RABGAP1L: variants seen among roughly 807,000 people sequenced by gnomAD.
RABGAP1L encodes the protein rab GTPase-activating protein 1-like.
RABGAP1L carries 63 observed loss-of-function variants against 137.7 expected under a neutral mutation model. The observed-to-expected ratio is 0.46, with a 90% CI of 0.37 to 0.56. The LOEUF is 0.56. RABGAP1L is among the 20% of genes least tolerant of loss of function. The pLI, the probability that RABGAP1L is intolerant of heterozygous loss-of-function variation, is 0.00. For missense variants in RABGAP1L, 1,095 were observed against 1,244.0 expected, an observed-to-expected ratio of 0.88 and a Z score of 1.80; for synonymous variants, 431 against 433.7, an observed-to-expected ratio of 0.99 and a Z score of 0.08.
At chr1:174,799,158 C>T (rs890223816) in intron 18 of RABGAP1L, among the ~76,000 whole-genome samples, 6 of 152,122 alleles carry the variant, frequency 3.9e-5, no homozygotes, top group African/African-American at 1.2e-4. Flanking sequence ...ACTCTTAATA[C>T]GTGTTAGGTT....
At chr1:174,202,735 G>A (rs1397037145) in intron 1 of RABGAP1L, among the ~76,000 whole-genome samples, 11 of 152,168 alleles carry the variant, frequency 7.2e-5, no homozygotes, top group Non-Finnish European at 1.0e-4. Context: ...CCATGCCTAT[G>A]TCCTGAATGG....
chr1:174,843,414 T>C (rs1250127204), intron 19 of RABGAP1L, among the ~76,000 whole-genome samples: 1 of 150,918 alleles, frequency 6.6e-6, no homozygotes, highest in East Asian at 2.0e-4. Context: ...AGTGTGATAT[T>C]CCCCTTCCTG....
intron 15 of RABGAP1L, among the ~76,000 whole-genome samples, chr1:174,685,537 G>C (rs1678393890): frequency 6.8e-6 from 1 of 146,184 alleles, no homozygotes; most frequent in Non-Finnish European, 1.5e-5. Flanking sequence ...ACAGGCGTGA[G>C]CCACCGCGCC....
intron 13 of RABGAP1L, among the ~76,000 whole-genome samples, chr1:174,538,688 A>T (rs1441847588): frequency 2.0e-5 from 3 of 152,146 alleles, no homozygotes; most frequent in Non-Finnish European, 4.4e-5. Flanking sequence ...ACTACTTTGA[A>T]TTCCCTGGGA....
At chr1:174,171,696 TAAA>T (rs57052121) in intron 1 of RABGAP1L, among the ~76,000 whole-genome samples, 9 of 134,288 alleles carry the variant, frequency 6.7e-5, no homozygotes, top group African/African-American at 1.4e-4. Context: ...TATTCAGCTT[TAAA>T]AAAAAAAAAA....
chr1:174,327,982 C>CATATAT (rs1558136090), intron 11 of RABGAP1L, among the ~76,000 whole-genome samples: 5 of 24,750 alleles, frequency 2.0e-4, no homozygotes, highest in African/African-American at 7.5e-4. Flanking sequence ...TATATATACA[C>CATATAT]ACACATATAT....
At chr1:174,266,860 T>C (rs1360695689) in intron 7 of RABGAP1L, among the ~76,000 whole-genome samples, 1 of 152,170 alleles carries the variant, frequency 6.6e-6, no homozygotes, top group Non-Finnish European at 1.5e-5. Context: ...AAAGTGAAAT[T>C]GCATGTAATT....
intron 7 of RABGAP1L, among the ~76,000 whole-genome samples, chr1:174,256,919 C>T (rs1414232329): frequency 2.0e-5 from 3 of 152,158 alleles, no homozygotes; most frequent in African/African-American, 2.4e-5. Flanking sequence ...TGATTAATTT[C>T]TCAACTCTTG....
intron 13 of RABGAP1L, among the ~76,000 whole-genome samples, chr1:174,534,084 T>C (rs1664672735): frequency 6.6e-6 from 1 of 152,046 alleles, no homozygotes; most frequent in African/African-American, 2.4e-5. Context: ...GATTTTTGAC[T>C]GTGCATAGGG....
Position 174,957,723 on chromosome 1 carries a change from C to CTTTTT in RABGAP1L, c.2433+193_2433+197dup, listed in dbSNP as rs34143059. 152 of 505,678 alleles carry CTTTTT rather than the reference C, an allele frequency of 3.0e-4. 1 individual carries two copies. The highest frequency in any genetic ancestry group is 5.4e-4 in the East Asian group (13 of 24,144). The allele number at this position is 505,678 out of a possible 1,614,324, so 31.3% of individuals were successfully genotyped here. On this transcript the variant is annotated intron_variant, in intron 20 of 25. Coordinates refer to ENST00000681986, the MANE Select transcript of RABGAP1L (RefSeq NM_001366446.1). ...CGAGCCACCATTCCCAGCAAAGTAC[C>CTTTTT]TTTTTTTTTTTTTTTTTTTTTTTCT...
chr1:174,370,878 C>A (rs545088269), intron 11 of RABGAP1L, 101 bp from the exon 12 acceptor site: 7 of 502,760 alleles, frequency 1.4e-5, no homozygotes, highest in African/African-American at 1.2e-4. Context: ...TGAAGAGAAG[C>A]TGGTTTTATT....
chr1:174,890,959 CAA>C (rs1232618578), intron 19 of RABGAP1L, among the ~76,000 whole-genome samples: 2 of 152,120 alleles, frequency 1.3e-5, no homozygotes, highest in African/African-American at 4.8e-5. Flanking sequence ...TAACATTTCA[CAA>C]AAGTGTGTGA....
At chr1:174,205,213 T>C (rs1366760363) in intron 1 of RABGAP1L, among the ~76,000 whole-genome samples, 2 of 152,206 alleles carry the variant, frequency 1.3e-5, no homozygotes, top group African/African-American at 4.8e-5. Flanking sequence ...AAGTATTTTG[T>C]TGAGGATTTT....
In RABGAP1L at chr1:174,582,146, T is replaced by G. The variant is rs1668791309; in HGVS notation, c.1711-55229T>G. On this transcript the variant is annotated intron_variant, in intron 13 of 25. Transcript: ENST00000681986. ...TAGCCCTTTGGGAGGCCAAGGCAGG[T>G]GGATTGTTTGAGCCCAGGAGTTTGA... Among the ~76,000 whole-genome samples, 4 of 152,016 alleles carry G rather than the reference T, an allele frequency of 2.6e-5. 1 individual carries two copies. The highest frequency in any genetic ancestry group is 5.9e-5 in the Non-Finnish European group (4 of 68,000).
intron 19 of RABGAP1L, among the ~76,000 whole-genome samples, chr1:174,937,914 T>C (rs1302180804): frequency 6.6e-6 from 1 of 150,774 alleles, no homozygotes; most frequent in Non-Finnish European, 1.5e-5. Flanking sequence ...GGTTTCATCA[T>C]GTTGGTCAGG....
At chr1:174,942,333 A>G (rs1016256847) in intron 19 of RABGAP1L, among the ~76,000 whole-genome samples, 1 of 152,216 alleles carries the variant, frequency 6.6e-6, no homozygotes, top group African/African-American at 2.4e-5. Context: ...CTCTTGTTCT[A>G]TATTTCCTAG....
chr1:174,982,993 T>G lies in RABGAP1L; in HGVS notation c.2805+88T>G, dbSNP rs1671264488. On this transcript the variant is annotated intron_variant, in intron 24 of 25. Coordinates refer to ENST00000681986, the MANE Select transcript of RABGAP1L (RefSeq NM_001366446.1). ...TGAAAGAACCCCAAACACCACCATTTTGTATTAAAGGATTTATTAATAGGA... is the reference window on the plus strand; with the variant it reads ...TGAAAGAACCCCAAACACCACCATTGTGTATTAAAGGATTTATTAATAGGA... 2.3e-6 allele frequency: 3 copies of G among 1,330,746 alleles called. No individual in the cohort carries two copies. The East Asian group carries it at 7.6e-5, about 34-fold the overall frequency. The allele number at this position is 1,330,746 out of a possible 1,614,324, so 82.4% of individuals were successfully genotyped here. A position where few individuals can be genotyped will look rare whatever the true frequency, so the allele number is the denominator to read the frequency against.
At chr1:174,819,841 A>G (rs1462119706) in intron 19 of RABGAP1L, among the ~76,000 whole-genome samples, 11 of 152,204 alleles carry the variant, frequency 7.2e-5, no homozygotes, top group Non-Finnish European at 1.5e-5. Flanking sequence ...ATTAACAGGA[A>G]AAGGACTCTG....
At chr1:174,556,146 C>T (rs967416007) in intron 13 of RABGAP1L, among the ~76,000 whole-genome samples, 6 of 151,554 alleles carry the variant, frequency 4.0e-5, no homozygotes, top group East Asian at 1.9e-4. Context: ...TAAAGGTGCC[C>T]GCCACTGTGC....
Sources: allele counts gnomAD v4.1 joint callset (sites outside exome capture counted in the v4.1 genomes callset), GRCh38; gene constraint gnomAD v4.1.1; transcripts MANE v1.5; gene names NCBI Gene and HGNC (gene_info 2026-07-23, HGNC 2026-07-21).